The following RAP1GDS1 variants were observed in gnomAD, a reference collection of about 807,000 sequenced individuals.
RAP1GDS1 encodes Rap1 GTPase-GDP dissociation stimulator 1.
A neutral mutation model predicts 71.1 loss-of-function variants in RAP1GDS1; 35 were observed. The observed-to-expected ratio is 0.49, with a 90% CI of 0.38 to 0.65. RAP1GDS1 has a LOEUF of 0.65. Among genes scored for constraint, RAP1GDS1 ranks in the 30% least tolerant of loss-of-function variants. The probability of loss-of-function intolerance (pLI) is 0.00; values close to 1 mark genes in which losing one functional copy is unlikely to be tolerated. For synonymous variants in RAP1GDS1, 229 were observed against 243.1 expected (o/e 0.94, Z 0.54); for missense variants, 663 against 706.1 (o/e 0.94, Z 0.69).
chr4:98,407,641 A>G (rs1483149818), intron 7 of RAP1GDS1, among the ~76,000 whole-genome samples: 1 of 152,226 alleles, frequency 6.6e-6, no homozygotes, highest in Non-Finnish European at 1.5e-5. Flanking sequence ...ACAAAGGCAT[A>G]GAGAGTGGAT....
intron 9 of RAP1GDS1, among the ~76,000 whole-genome samples, chr4:98,418,082 A>G (rs1029191287): frequency 6.6e-6 from 1 of 152,092 alleles, no homozygotes; most frequent in East Asian, 1.9e-4. Context: ...TAGTTTAATC[A>G]TCTTCCAGTA....
chr4:98,342,738 A>G (rs780758202), intron 2 of RAP1GDS1, among the ~76,000 whole-genome samples: 2 of 152,160 alleles, frequency 1.3e-5, no homozygotes, highest in Non-Finnish European at 2.9e-5. Flanking sequence ...TAAAGTTGCT[A>G]TGGCATTATA....
In RAP1GDS1 at chr4:98,261,543, G is replaced by A. The variant is rs1184271407; in HGVS notation, c.-23G>A. On this transcript the variant is annotated 5_prime_UTR_variant, in exon 1 of 15. Coordinates refer to ENST00000408927, the MANE Select transcript of RAP1GDS1 (RefSeq NM_001100427.2). ...CACAGACCTTCGCCTCGCCCCGCCG[G>A]TTCCTCACCCTCGGGGAGCAACATG... 2 of 1,598,400 alleles carry A rather than the reference G, an allele frequency of 1.3e-6. No homozygotes were observed. The highest frequency in any genetic ancestry group is 2.2e-5 in the South Asian group (2 of 89,330).
chr4:98,386,745 A>G (rs910977562), intron 5 of RAP1GDS1, among the ~76,000 whole-genome samples: 2 of 152,066 alleles, frequency 1.3e-5, no homozygotes, highest in Non-Finnish European at 2.9e-5. Flanking sequence ...TAGGCTTAGA[A>G]TAAAGTTCTC....
chr4:98,377,885 G>A (rs955838002), intron 4 of RAP1GDS1, among the ~76,000 whole-genome samples: 11 of 151,836 alleles, frequency 7.2e-5, no homozygotes, highest in African/African-American at 2.4e-4. Context: ...TAGCTACTGA[G>A]CAATTTAAAT....
intron 1 of RAP1GDS1, among the ~76,000 whole-genome samples, chr4:98,271,168 A>G (rs934752880): frequency 6.6e-6 from 1 of 152,110 alleles, no homozygotes. Flanking sequence ...GTACTTGTTA[A>G]TTCCAAAGTC....
At chr4:98,350,474 CA>C (rs1177489306) in intron 3 of RAP1GDS1, among the ~76,000 whole-genome samples, 2 of 151,832 alleles carry the variant, frequency 1.3e-5, no homozygotes, top group Non-Finnish European at 2.9e-5. Context: ...TGGGAGGCCA[CA>C]ATGGGAGGAT....
chr4:98,391,156 CAG>C (rs1743590887), intron 5 of RAP1GDS1, among the ~76,000 whole-genome samples: 1 of 152,166 alleles, frequency 6.6e-6, no homozygotes, highest in East Asian at 1.9e-4. Context: ...AACTTTGCTA[CAG>C]GTATTCTATT....
chr4:98,353,823 T>G (rs1313288139), intron 4 of RAP1GDS1, among the ~76,000 whole-genome samples: 1 of 152,148 alleles, frequency 6.6e-6, no homozygotes, highest in Non-Finnish European at 1.5e-5. Context: ...TGTTTATAAT[T>G]TTGTGTTTTC....
intron 14 of RAP1GDS1, among the ~76,000 whole-genome samples, chr4:98,441,009 G>T (rs1365990839): frequency 6.6e-6 from 1 of 152,192 alleles, no homozygotes; most frequent in African/African-American, 2.4e-5. Flanking sequence ...GTAGGATTTT[G>T]TACCAGTACC....
At chr4:98,379,286 T>C in intron 5 of RAP1GDS1, 123 bp downstream of exon 5, 1 of 993,874 alleles carries the variant, frequency 1.0e-6, no homozygotes. Context: ...CATATAAAAT[T>C]AATAATTAGC....
Position 98,282,395 on chromosome 4 carries a change from G to A in RAP1GDS1, c.5-11013G>A, listed in dbSNP as rs185156356. Among the ~76,000 whole-genome samples, 605 of 152,124 alleles carry A rather than the reference G, an allele frequency of 4.0e-3. 6 individuals carry two copies. Among genetic ancestry groups the A allele is most frequent in the African/African-American group, 0.013 (558 of 41,500 alleles). ...CTTCTAGATTTTCTAGTTTATTTGC[G>A]TAGAGGTGTTTATAGTATTCTCTGA... On this transcript the variant is annotated intron_variant, in intron 1 of 14. Transcript: ENST00000408927.
At chr4:98,416,312 A>G (rs1483619314) in intron 7 of RAP1GDS1, among the ~76,000 whole-genome samples, 3 of 123,184 alleles carry the variant, frequency 2.4e-5, no homozygotes, top group Non-Finnish European at 3.5e-5. Context: ...AAAATGTATT[A>G]TCTAAATCAT....
intron 14 of RAP1GDS1, among the ~76,000 whole-genome samples, chr4:98,441,140 A>AT (rs1470432620): frequency 6.6e-6 from 1 of 152,142 alleles, no homozygotes; most frequent in East Asian, 1.9e-4. Flanking sequence ...TTCCATATGA[A>AT]TTTTAGGATG....
At chr4:98,420,371 T>C (rs1173946640) in intron 11 of RAP1GDS1, among the ~76,000 whole-genome samples, 1 of 151,568 alleles carries the variant, frequency 6.6e-6, no homozygotes, top group Non-Finnish European at 1.5e-5. Context: ...TATTTGTTTA[T>C]TTATTTATTT....
intron 2 of RAP1GDS1, among the ~76,000 whole-genome samples, chr4:98,323,671 C>G (rs1227621044): frequency 7.5e-6 from 1 of 132,934 alleles, no homozygotes; most frequent in African/African-American, 2.9e-5. Context: ...AAGACAAAAA[C>G]CACATGATTA....
At chr4:98,319,696 G>A (rs552327510) in intron 2 of RAP1GDS1, among the ~76,000 whole-genome samples, 2 of 149,718 alleles carry the variant, frequency 1.3e-5, no homozygotes, top group South Asian at 2.1e-4. Flanking sequence ...CACAGGAATC[G>A]CTTGAACTCG....
chr4:98,346,345 CTGTTT>C (rs1013473721), intron 3 of RAP1GDS1, among the ~76,000 whole-genome samples: 9 of 152,134 alleles, frequency 5.9e-5, no homozygotes, highest in Admixed American at 5.2e-4. Flanking sequence ...GTCTCCTGTT[CTGTTT>C]TATTTATTTT....
At chr4:98,298,142 A>G (rs1333661444) in intron 2 of RAP1GDS1, among the ~76,000 whole-genome samples, 1 of 152,194 alleles carries the variant, frequency 6.6e-6, no homozygotes, top group Non-Finnish European at 1.5e-5. Flanking sequence ...GCATTAAGAA[A>G]AGTTGGACAC....
Sources: gnomAD v4.1 joint callset for allele counts (sites outside exome capture counted in the v4.1 genomes callset) on GRCh38, gnomAD v4.1.1 for gene constraint, MANE v1.5 for transcripts, NCBI Gene and HGNC (gene_info 2026-07-23, HGNC 2026-07-21) for gene names.